DLGAP2: variants seen among roughly 807,000 people sequenced by gnomAD.
The protein encoded by DLGAP2 is disks large-associated protein 2.
Under a neutral mutation model 100.3 loss-of-function variants are expected in DLGAP2, and 26 were observed. The observed-to-expected ratio is 0.26, with a 90% confidence interval of 0.19 to 0.36. The LOEUF (loss-of-function observed/expected upper bound fraction) is 0.36. Ranked by LOEUF, DLGAP2 falls within the 10% of genes least tolerant of loss-of-function variation. The pLI is 1.00. For synonymous variants in DLGAP2, 886 were observed against 630.1 expected, an observed-to-expected ratio of 1.41 and a Z score of -6.08; for missense variants, 1,858 against 1,453.2, an observed-to-expected ratio of 1.28 and a Z score of -4.53.
At chr8:1,149,046 A>C (rs140508999) in intron 2 of DLGAP2, among the ~76,000 whole-genome samples, 1 of 152,092 alleles carries the variant, frequency 6.6e-6, no homozygotes, top group African/African-American at 2.4e-5. Flanking sequence ...GATTCTGTCA[A>C]TTTTTGCATC....
intron 3 of DLGAP2, among the ~76,000 whole-genome samples, chr8:1,326,664 G>A (rs1245044146): frequency 6.6e-6 from 1 of 152,190 alleles, no homozygotes; most frequent in Non-Finnish European, 1.5e-5. Context: ...GTCTTGGTCT[G>A]GGCTTGTCAA....
chr8:1,664,105 G>A (rs1270554545), intron 8 of DLGAP2, among the ~76,000 whole-genome samples: 1 of 152,220 alleles, frequency 6.6e-6, no homozygotes, highest in Non-Finnish European at 1.5e-5. Flanking sequence ...CTAGAGCTGA[G>A]GCTGTGGGTG....
At chr8:1,381,249 G>C (rs1006714740) in intron 3 of DLGAP2, 1 of 152,132 alleles carries the variant, frequency 6.6e-6, no homozygotes, top group South Asian at 2.1e-4. Flanking sequence ...AATTCCATGT[G>C]TGCCCATGAA....
intron 1 of DLGAP2, among the ~76,000 whole-genome samples, chr8:843,831 T>G (rs1009386213): frequency 6.6e-6 from 1 of 152,216 alleles, no homozygotes; most frequent in Non-Finnish European, 1.5e-5. Context: ...CATGATATCT[T>G]TACATTTCTT....
intron 7 of DLGAP2, among the ~76,000 whole-genome samples, chr8:1,631,777 C>T (rs114729260): frequency 2.0e-4 from 31 of 152,362 alleles, no homozygotes; most frequent in African/African-American, 5.8e-4. Flanking sequence ...GTCCTTCCAG[C>T]ACGTAGGTCA....
chr8:1,219,875 T>C (rs936294216), intron 2 of DLGAP2, among the ~76,000 whole-genome samples: 1 of 152,148 alleles, frequency 6.6e-6, no homozygotes. Context: ...TCTTTTTTTT[T>C]CTAGGTTTTT....
At position 1,072,561 on chromosome 8, in the gene DLGAP2, G is replaced by A. The variant is rs1175584866; in HGVS notation, c.73+164595G>A. Among the ~76,000 whole-genome samples the A allele has an allele frequency of 2.0e-5, 3 of 152,174 alleles. No individual in the cohort carries two copies. In the East Asian group the frequency reaches 5.8e-4, roughly 29 times the overall value. The stretch of plus-strand genomic sequence containing the variant: ...GGTAGTGCAGGCACCTGGCAGGGAG[G>A]TGCGGCCTGGCTTGTGGCTGTTCCC... On this transcript the variant is annotated intron_variant, in intron 2 of 14. Transcript: ENST00000637795.
intron 2 of DLGAP2, among the ~76,000 whole-genome samples, chr8:1,213,642 C>T (rs1244310132): frequency 1.3e-5 from 2 of 152,066 alleles, no homozygotes; most frequent in East Asian, 1.9e-4. Flanking sequence ...GGGAGCTTCC[C>T]GTCTTTCTCT....
chr8:1,240,262 GGCGCC>G (rs1263474621), intron 2 of DLGAP2, among the ~76,000 whole-genome samples: 16,792 of 86,786 alleles, frequency 0.19, 1,881 homozygotes, highest in Non-Finnish European at 0.27. Context: ...TCTCTTACAT[GGCGCC>G]GTGTCTAGTT....
chr8:1,056,095 A>T, intron 2 of DLGAP2, among the ~76,000 whole-genome samples: 1 of 152,226 alleles, frequency 6.6e-6, no homozygotes, highest in East Asian at 1.9e-4. Context: ...ATTCAGTTGT[A>T]TGACTTCCTC....
chr8:771,006 A>AT (rs1400704992), intron 1 of DLGAP2, among the ~76,000 whole-genome samples: 1 of 151,874 alleles, frequency 6.6e-6, no homozygotes. Flanking sequence ...TTTTATGATG[A>AT]TTTTGGAAGT....
At chr8:1,470,775 A>ACCCCTGCAGCCTTTC (rs1563168449) in intron 3 of DLGAP2, among the ~76,000 whole-genome samples, 1 of 75,982 alleles carries the variant, frequency 1.3e-5, no homozygotes, top group Non-Finnish European at 3.2e-5. Context: ...GCCTTTCCCG[A>ACCCCTGCAGCCTTTC]CTCCCCCAGC....
At chr8:1,671,667 G>T (rs1422456597) in intron 10 of DLGAP2, among the ~76,000 whole-genome samples, 1 of 152,218 alleles carries the variant, frequency 6.6e-6, no homozygotes, top group Non-Finnish European at 1.5e-5. Flanking sequence ...ATGAGTGAGG[G>T]TCCTCAGCTC....
At chr8:1,478,259 G>A (rs969168823) in intron 3 of DLGAP2, among the ~76,000 whole-genome samples, 1 of 152,174 alleles carries the variant, frequency 6.6e-6, no homozygotes, top group Non-Finnish European at 1.5e-5. Flanking sequence ...ACTGTCTGGG[G>A]TATGGGTGCC....
At chr8:858,338 G>A (rs966002975) in intron 1 of DLGAP2, among the ~76,000 whole-genome samples, 3 of 152,254 alleles carry the variant, frequency 2.0e-5, no homozygotes, top group Admixed American at 6.5e-5. Flanking sequence ...AAAAGGCTAC[G>A]CAATGTAGGA....
At chr8:1,334,207 A>G (rs898731900) in intron 3 of DLGAP2, among the ~76,000 whole-genome samples, 3 of 152,340 alleles carry the variant, frequency 2.0e-5, no homozygotes, top group Non-Finnish European at 2.9e-5. Context: ...GTTTCCTGTG[A>G]TGAAAATCAA....
intron 3 of DLGAP2, among the ~76,000 whole-genome samples, chr8:1,283,438 T>C (rs1394962222): frequency 1.3e-5 from 2 of 152,256 alleles, no homozygotes; most frequent in Non-Finnish European, 2.9e-5. Flanking sequence ...TTTGATTTAT[T>C]GAATATGAGT....
intron 6 of DLGAP2, among the ~76,000 whole-genome samples, chr8:1,586,763 C>G (rs1202691575): frequency 2.6e-5 from 4 of 152,170 alleles, no homozygotes; most frequent in African/African-American, 7.2e-5. Context: ...GGAACTGCCT[C>G]TATGTTTTTA....
chr8:987,201 G>T (rs1196129328), intron 2 of DLGAP2, among the ~76,000 whole-genome samples: 1 of 152,146 alleles, frequency 6.6e-6, no homozygotes, highest in African/African-American at 2.4e-5. Flanking sequence ...CTTTGCAGGA[G>T]TGCCAGGTGC....
Sources: allele counts gnomAD v4.1 joint callset (sites outside exome capture counted in the v4.1 genomes callset), GRCh38; gene constraint gnomAD v4.1.1; transcripts MANE v1.5; gene names NCBI Gene and HGNC (gene_info 2026-07-23, HGNC 2026-07-21).